The following RORB variants were observed in gnomAD, a reference collection of about 807,000 sequenced individuals.
The protein encoded by RORB is RAR related orphan receptor B, also known as nuclear receptor ROR-beta.
Under a neutral mutation model 59.1 loss-of-function variants are expected in RORB, and 6 were observed. That is an observed-to-expected ratio of 0.10 (90% confidence interval 0.06 to 0.20). The LOEUF is 0.20. Among genes scored for constraint, RORB ranks in the 10% least tolerant of loss-of-function variants. The pLI, the probability that RORB is intolerant of heterozygous loss-of-function variation, is 1.00. For synonymous variants in RORB, 215 were observed against 204.5 expected (o/e 1.05, Z -0.44); for missense variants, 320 against 560.5 (o/e 0.57, Z 4.33).
At chr9:74,560,156 T>C (rs533773301) in intron 1 of RORB, among the ~76,000 whole-genome samples, 1 of 152,312 alleles carries the variant, frequency 6.6e-6, no homozygotes, top group African/African-American at 2.4e-5. Context: ...CTTAAGGTTC[T>C]CATACAATAC....
chr9:74,612,258 G>C (rs1360637983), intron 1 of RORB, among the ~76,000 whole-genome samples: 1 of 152,112 alleles, frequency 6.6e-6, no homozygotes, highest in African/African-American at 2.4e-5. Flanking sequence ...AGGAGATAGA[G>C]GTGGCATTAA....
In RORB at chr9:74,665,473, A is replaced by AT; in HGVS notation, c.893-9dup. ...GTATTTTTATTTTATTTTTATTTTT[A>AT]TTTTTTACTCATAGGTTGCTTGGAA... On this transcript the variant is annotated splice_polypyrimidine_tract_variant and intron_variant, in intron 6 of 9. Coordinates refer to ENST00000376896, the MANE Select transcript of RORB (RefSeq NM_006914.4). 6.7e-7 allele frequency: 1 copy of AT among 1,495,034 alleles called. No homozygotes were observed. Among genetic ancestry groups the AT allele is most frequent in the Non-Finnish European group, 9.2e-7 (1 of 1,092,098 alleles). 92.6% of individuals were successfully genotyped at this position (1,495,034 alleles called of 1,614,324 possible).
chr9:74,625,661 A>G (rs562172087), intron 1 of RORB, among the ~76,000 whole-genome samples: 1 of 152,360 alleles, frequency 6.6e-6, no homozygotes, highest in East Asian at 1.9e-4. Flanking sequence ...GAGTATATCA[A>G]ATCTCGTGGT....
chr9:74,524,002 C>T (rs1027877390), intron 1 of RORB, among the ~76,000 whole-genome samples: 1 of 70,622 alleles, frequency 1.4e-5, no homozygotes, highest in Non-Finnish European at 2.7e-5. Flanking sequence ...ATCAACGACA[C>T]CTTTTTTTTT....
At chr9:74,630,102 G>A (rs59744342) in intron 1 of RORB, 180 bp from the exon 2 acceptor site, 5,209 of 326,144 alleles carry the variant, frequency 0.016, 267 homozygotes, top group African/African-American at 0.1. Flanking sequence ...AATGTACTTT[G>A]ACTTAGAAGA....
intron 1 of RORB, among the ~76,000 whole-genome samples, chr9:74,560,135 C>A (rs1214142754): frequency 1.3e-5 from 2 of 152,142 alleles, no homozygotes; most frequent in Non-Finnish European, 2.9e-5. Flanking sequence ...TCTTCAGTGA[C>A]ATGTGAGAAC....
At chr9:74,590,724 T>C (rs928933339) in intron 1 of RORB, among the ~76,000 whole-genome samples, 1 of 152,240 alleles carries the variant, frequency 6.6e-6, no homozygotes, top group African/African-American at 2.4e-5. Flanking sequence ...CGTTGCCCTT[T>C]AGGAGATATT....
intron 1 of RORB, among the ~76,000 whole-genome samples, chr9:74,606,212 T>A (rs1374476886): frequency 6.6e-6 from 1 of 152,182 alleles, no homozygotes; most frequent in Admixed American, 6.5e-5. Flanking sequence ...TACTGTTTAA[T>A]TCTATGGACC....
chr9:74,553,995 T>C (rs1028412391), intron 1 of RORB, among the ~76,000 whole-genome samples: 2 of 152,170 alleles, frequency 1.3e-5, no homozygotes, highest in Non-Finnish European at 2.9e-5. Flanking sequence ...ACCTGGGAAA[T>C]TGTTAATTTC....
chr9:74,521,733 T>G (rs1326374753), intron 1 of RORB, among the ~76,000 whole-genome samples: 2 of 151,796 alleles, frequency 1.3e-5, no homozygotes, highest in Non-Finnish European at 2.9e-5. Context: ...CACAGGTTAA[T>G]TTTTCATCGT....
At chr9:74,498,150 G>C in intron 1 of RORB, 167 bp downstream of exon 1, 1 of 772,476 alleles carries the variant, frequency 1.3e-6, no homozygotes, top group Middle Eastern at 3.4e-4. Flanking sequence ...GGCGTAGAAA[G>C]TTGCGGGAAG....
intron 1 of RORB, among the ~76,000 whole-genome samples, chr9:74,619,410 T>G (rs1823369268): frequency 6.6e-6 from 1 of 152,208 alleles, no homozygotes; most frequent in South Asian, 2.1e-4. Context: ...AAACTTGGTT[T>G]TGCACATAAC....
intron 1 of RORB, among the ~76,000 whole-genome samples, chr9:74,583,772 C>T (rs1822758621): frequency 6.6e-6 from 1 of 152,126 alleles, no homozygotes; most frequent in South Asian, 2.1e-4. Flanking sequence ...AGCACTAACC[C>T]TCTCAACTTT....
chr9:74,657,877 C>T (rs1007079218), intron 4 of RORB, among the ~76,000 whole-genome samples: 1 of 151,570 alleles, frequency 6.6e-6, no homozygotes, highest in South Asian at 2.1e-4. Context: ...TGGTGGTGGG[C>T]ACCTGTAATC....
intron 1 of RORB, among the ~76,000 whole-genome samples, chr9:74,588,295 T>C (rs1413590139): frequency 1.3e-5 from 2 of 152,190 alleles, no homozygotes; most frequent in African/African-American, 2.4e-5. Flanking sequence ...CTGACTCTAA[T>C]ATTCTTTAAC....
intron 1 of RORB, among the ~76,000 whole-genome samples, chr9:74,628,236 T>C (rs560118404): frequency 2.2e-4 from 34 of 152,268 alleles, no homozygotes; most frequent in African/African-American, 8.2e-4. Flanking sequence ...AAAGCTAAAA[T>C]AAAAAGAAAT....
chr9:74,606,757 T>C (rs1823155695), intron 1 of RORB, among the ~76,000 whole-genome samples: 1 of 152,224 alleles, frequency 6.6e-6, no homozygotes, highest in African/African-American at 2.4e-5. Context: ...CTGTATTCTT[T>C]CTGACAGGAT....
intron 1 of RORB, among the ~76,000 whole-genome samples, chr9:74,507,416 C>T (rs1825884338): frequency 6.6e-6 from 1 of 151,970 alleles, no homozygotes; most frequent in Non-Finnish European, 1.5e-5. Flanking sequence ...TTGTTATTTG[C>T]CTAGTGTAAT....
In RORB at chr9:74,683,759, C is replaced by T. The variant is rs539817995; in HGVS notation, c.1225-1704C>T. Among the ~76,000 whole-genome samples the T allele has an allele frequency of 1.6e-4, 25 of 152,214 alleles. No individual in the cohort carries two copies. The South Asian group carries it at 5.0e-3, about 30-fold the overall frequency. ...TCTTCTTACCTCCCATTTTTCCTCC[C>T]GCTATTCTTCTTTGGCACTCACCAC... On this transcript the variant is annotated intron_variant, in intron 9 of 9. Coordinates refer to ENST00000376896, the MANE Select transcript of RORB (RefSeq NM_006914.4).
Sources: allele counts gnomAD v4.1 joint callset (sites outside exome capture counted in the v4.1 genomes callset), GRCh38; gene constraint gnomAD v4.1.1; transcripts MANE v1.5; gene names NCBI Gene and HGNC (gene_info 2026-07-23, HGNC 2026-07-21).